The following FSTL5 variants were observed in gnomAD, a reference collection of about 807,000 sequenced individuals.
FSTL5 encodes follistatin-related protein 5.
Under a neutral mutation model 89.1 loss-of-function variants are expected in FSTL5, and 62 were observed. The ratio of observed to expected loss-of-function variants is 0.70; its 90% confidence interval spans 0.57 to 0.86. The LOEUF (loss-of-function observed/expected upper bound fraction) is 0.86. FSTL5 is among the 40% of genes least tolerant of loss of function. The pLI is 0.00. For missense variants in FSTL5, 1,057 were observed against 1,001.6 expected (o/e 1.06, Z -0.75); for synonymous variants, 383 against 346.2 (o/e 1.11, Z -1.18).
chr4:161,766,528 G>A (rs1011054409), intron 5 of FSTL5, among the ~76,000 whole-genome samples: 1 of 152,140 alleles, frequency 6.6e-6, no homozygotes, highest in African/African-American at 2.4e-5. Context: ...GCTCTGCACA[G>A]TTTCCAGTTT....
chr4:161,968,013 CTTTT>C (rs1029364216), intron 3 of FSTL5, among the ~76,000 whole-genome samples: 19 of 150,702 alleles, frequency 1.3e-4, no homozygotes, highest in Non-Finnish European at 2.7e-4. Flanking sequence ...TGTGTATTTT[CTTTT>C]TTTTTAATTT....
At chr4:161,682,697 C>T (rs996156408) in intron 6 of FSTL5, among the ~76,000 whole-genome samples, 2 of 152,022 alleles carry the variant, frequency 1.3e-5, no homozygotes, top group Admixed American at 1.3e-4. Flanking sequence ...GATAACAATG[C>T]CTTCTTCGAC....
intron 4 of FSTL5, among the ~76,000 whole-genome samples, chr4:161,858,775 T>C (rs1015245120): frequency 2.0e-5 from 3 of 152,196 alleles, no homozygotes; most frequent in African/African-American, 7.2e-5. Flanking sequence ...CCTGTCTCTT[T>C]CCTTGGCATT....
chr4:161,773,153 T>C (rs773667349), intron 5 of FSTL5, among the ~76,000 whole-genome samples: 3 of 152,070 alleles, frequency 2.0e-5, no homozygotes, highest in Non-Finnish European at 4.4e-5. Context: ...TGGAGAAGAA[T>C]GAAACTGGAT....
At chr4:161,919,043 A>G (rs1412297617) in intron 4 of FSTL5, among the ~76,000 whole-genome samples, 1 of 152,156 alleles carries the variant, frequency 6.6e-6, no homozygotes, top group Admixed American at 6.5e-5. Context: ...TGATAGTTAC[A>G]TATTATATAT....
In FSTL5 at chr4:162,111,361, T is replaced by A. The variant is rs200605039; in HGVS notation, c.36A>T (p.Gly12=). The A allele has an allele frequency of 6.2e-7, 1 of 1,612,548 alleles. No individual in the cohort carries two copies. The highest frequency in any genetic ancestry group is 2.2e-5 in the East Asian group (1 of 44,796). The stretch of plus-strand genomic sequence containing the variant: ...TTCCTTCCGACTCCAGAAAAATGAA[T>A]CCGAGAACCAAGACAACTGACCAGC... ...FKCWSVVLVL[G]FIFLESEGRP... The change falls in exon 2 of 16, where the codon GGA becomes GGT. Residue 12 remains glycine, a synonymous_variant. Coordinates refer to ENST00000306100, the MANE Select transcript of FSTL5 (RefSeq NM_020116.5).
At chr4:162,026,299 A>ATTTTTTTTTTTTTTTTTT (rs1437294333) in intron 3 of FSTL5, among the ~76,000 whole-genome samples, 2 of 10,812 alleles carry the variant, frequency 1.8e-4, no homozygotes, top group African/African-American at 6.4e-4. Context: ...CAGCTTATGT[A>ATTTTTTTTTTTTTTTTTT]TTTTCTTTTT....
intron 3 of FSTL5, among the ~76,000 whole-genome samples, chr4:161,970,755 T>A (rs1324586308): frequency 6.6e-6 from 1 of 151,966 alleles, no homozygotes; most frequent in Admixed American, 6.6e-5. Context: ...AGATTAGAAA[T>A]AAAATCCCTA....
At chr4:161,618,685 T>C (rs1025889869) in intron 7 of FSTL5, among the ~76,000 whole-genome samples, 2 of 152,192 alleles carry the variant, frequency 1.3e-5, no homozygotes, top group Non-Finnish European at 2.9e-5. Context: ...CACTTGATCA[T>C]GGTGGATAAC....
At chr4:161,810,051 C>A (rs1177559325) in intron 4 of FSTL5, among the ~76,000 whole-genome samples, 1 of 151,948 alleles carries the variant, frequency 6.6e-6, no homozygotes, top group Non-Finnish European at 1.5e-5. Context: ...ATTAAATAGT[C>A]TCATTAAGAC....
chr4:162,072,284 A>ATATCTT (rs1346846266), intron 2 of FSTL5, among the ~76,000 whole-genome samples: 4 of 151,810 alleles, frequency 2.6e-5, no homozygotes, highest in African/African-American at 9.7e-5. Flanking sequence ...TTACTAAAGT[A>ATATCTT]TATCTTTCCT....
At chr4:161,592,028 A>C (rs1733839551) in intron 7 of FSTL5, among the ~76,000 whole-genome samples, 1 of 152,196 alleles carries the variant, frequency 6.6e-6, no homozygotes, top group South Asian at 2.1e-4. Context: ...AAAAGGGAAC[A>C]AAGAGGAAAT....
Position 161,621,646 on chromosome 4 carries a change from C to T in FSTL5, c.895-34071G>A, listed in dbSNP as rs752900947. Reference sequence around the variant, plus strand: ...AAAGATTGTTAAAATTGATAAACTCCCCTAAGATTCATAAAGGAAACATTA... The same window carrying T: ...AAAGATTGTTAAAATTGATAAACTCTCCTAAGATTCATAAAGGAAACATTA... On this transcript the variant is annotated intron_variant, in intron 7 of 15. Transcript: ENST00000306100. 9.9e-5 allele frequency among the ~76,000 whole-genome samples: 15 copies of T among 151,886 alleles called. No individual in the cohort carries two copies. The Middle Eastern group carries it at 0.01, about 104-fold the overall frequency.
intron 4 of FSTL5, among the ~76,000 whole-genome samples, chr4:161,878,604 G>T (rs575168826): frequency 6.6e-6 from 1 of 151,734 alleles, no homozygotes; most frequent in Non-Finnish European, 1.5e-5. Flanking sequence ...AAAATACAAC[G>T]TTAGAATTGT....
At chr4:161,846,048 CA>C (rs34298769) in intron 4 of FSTL5, among the ~76,000 whole-genome samples, 101,218 of 144,040 alleles carry the variant, frequency 0.7, 35,265 homozygotes, top group Non-Finnish European at 0.75. Flanking sequence ...GACTCCGTCT[CA>C]AAAAAAAAAA....
At chr4:161,615,008 C>A (rs571335143) in intron 7 of FSTL5, among the ~76,000 whole-genome samples, 2 of 151,792 alleles carry the variant, frequency 1.3e-5, no homozygotes, top group African/African-American at 2.4e-5. Flanking sequence ...GAAATAAAAG[C>A]CTTTGGCTGG....
chr4:162,153,710 ATG>A lies in FSTL5; in HGVS notation c.-17+9903_-17+9904del, dbSNP rs1255270070. 7.6e-4 allele frequency among the ~76,000 whole-genome samples: 108 copies of A among 141,880 alleles called. 2 individuals carry two copies. Among genetic ancestry groups the A allele is most frequent in the Admixed American group, 1.1e-3 (15 of 13,670 alleles). 93.1% of individuals were successfully genotyped at this position (141,880 alleles called of 152,430 possible). On this transcript the variant is annotated intron_variant, in intron 1 of 15. Coordinates refer to ENST00000306100, the MANE Select transcript of FSTL5 (RefSeq NM_020116.5). ...ATAATAATATATATGTATATTATATATGTATATAATAATATATGTATATATGT... is the reference window on the plus strand; with the variant it reads ...ATAATAATATATATGTATATTATATATATATAATAATATATGTATATATGT...
chr4:161,762,064 G>A (rs1159563250), intron 5 of FSTL5, among the ~76,000 whole-genome samples: 4 of 152,076 alleles, frequency 2.6e-5, no homozygotes, highest in African/African-American at 4.8e-5. Context: ...TATAAAAATG[G>A]CACATATTTA....
intron 2 of FSTL5, among the ~76,000 whole-genome samples, chr4:162,104,096 C>T (rs927349664): frequency 6.6e-6 from 1 of 152,246 alleles, no homozygotes; most frequent in Admixed American, 6.5e-5. Flanking sequence ...GCCACTATCG[C>T]AGACCCACTG....
Sources: gnomAD v4.1 joint callset for allele counts (sites outside exome capture counted in the v4.1 genomes callset) on GRCh38, gnomAD v4.1.1 for gene constraint, MANE v1.5 for transcripts, NCBI Gene and HGNC (gene_info 2026-07-23, HGNC 2026-07-21) for gene names.